The following CHRNB1 variants were observed in gnomAD, a reference collection of about 807,000 sequenced individuals.
CHRNB1 encodes acetylcholine receptor subunit beta.
CHRNB1 carries 47 observed loss-of-function variants against 53.8 expected under a neutral mutation model. The observed-to-expected ratio is 0.87, with a 90% confidence interval of 0.69 to 1.11. CHRNB1 has a LOEUF of 1.11. CHRNB1 is among the 50% of genes most tolerant of loss of function. The probability of loss-of-function intolerance (pLI) is 0.00; values close to 1 mark genes in which losing one functional copy is unlikely to be tolerated. For missense variants in CHRNB1, 605 were observed against 654.9 expected, an observed-to-expected ratio of 0.92 and a Z score of 0.83; for synonymous variants, 259 against 263.5, an observed-to-expected ratio of 0.98 and a Z score of 0.16.
chr17:7,455,588 C>T, intron 9 of CHRNB1, 132 bp downstream of exon 9: 1 of 1,279,790 alleles, frequency 7.8e-7, no homozygotes, highest in Non-Finnish European at 1.1e-6. Flanking sequence ...AGTACTCCTG[C>T]TGCTCACTTT....
chr17:7,456,531 T>C (rs1042630621), intron 10 of CHRNB1, 52 bp from the exon 11 acceptor site: 2 of 1,612,188 alleles, frequency 1.2e-6, no homozygotes, highest in Non-Finnish European at 1.7e-6. Context: ...TGGGGGGGTT[T>C]CCCTGGGGGT....
At chr17:7,452,670 G>A (rs551972574) in intron 7 of CHRNB1, among the ~76,000 whole-genome samples, 1 of 152,300 alleles carries the variant, frequency 6.6e-6, no homozygotes, top group East Asian at 1.9e-4. Flanking sequence ...TGACACAGAA[G>A]TTACTGCCCT....
Position 7,457,620 on chromosome 17 carries a change from G to T in CHRNB1, c.*897G>T, listed in dbSNP as rs2069964550. Reference sequence around the variant, plus strand: ...GTAGTGCTTATTGTTTGCATGTTGGGTCTTGTGGTCGTTTTCTTTTTACCT... The same window carrying T: ...GTAGTGCTTATTGTTTGCATGTTGGTTCTTGTGGTCGTTTTCTTTTTACCT... On this transcript the variant is annotated 3_prime_UTR_variant, in exon 11 of 11. Coordinates refer to ENST00000306071, the MANE Select transcript of CHRNB1 (RefSeq NM_000747.3). 6.6e-6 allele frequency: 1 copy of T among 152,124 alleles called. No homozygotes were observed. The highest frequency in any genetic ancestry group is 2.4e-5 in the African/African-American group (1 of 41,420). 9.4% of individuals were successfully genotyped at this position (152,124 alleles called of 1,614,324 possible). A position where few individuals can be genotyped will look rare whatever the true frequency, so the allele number is the denominator to read the frequency against.
At chr17:7,454,228 C>A in intron 7 of CHRNB1, 69 bp from the exon 8 acceptor site, 1 of 1,272,086 alleles carries the variant, frequency 7.9e-7, no homozygotes, top group Non-Finnish European at 1.1e-6. Flanking sequence ...GAAACATGGT[C>A]ACTGATTATG....
rs765971005 is a variant in CHRNB1, at chr17:7,455,959, G to A, written c.1365+18G>A. On this transcript the variant is annotated intron_variant, in intron 10 of 10. Coordinates refer to ENST00000306071, the MANE Select transcript of CHRNB1 (RefSeq NM_000747.3). ...ACGATGCGGTATGTCCAACGGGGGTGGAACAAGGCCAGGTCTAGGCGACCT... is the reference window on the plus strand; with the variant it reads ...ACGATGCGGTATGTCCAACGGGGGTAGAACAAGGCCAGGTCTAGGCGACCT... 14 of 1,613,682 alleles carry A rather than the reference G, an allele frequency of 8.7e-6. No individual in the cohort carries two copies. In the East Asian group the frequency reaches 3.1e-4, roughly 36 times the overall value.
intron 4 of CHRNB1, 37 bp downstream of exon 4, chr17:7,446,979 G>GCC: frequency 6.4e-7 from 1 of 1,569,848 alleles, no homozygotes; most frequent in Non-Finnish European, 8.8e-7. Context: ...GTGGCGCGGG[G>GCC]CCTCGGGGGG....
rs1015543701 is a variant in CHRNB1 at position 7,445,674 on chromosome 17, G to T, written c.198+265G>T. 1 of 1,318,080 alleles carries T rather than the reference G, an allele frequency of 7.6e-7. No homozygotes were observed. The highest frequency in any genetic ancestry group is 1.0e-6 in the Non-Finnish European group (1 of 994,680). 81.6% of individuals were successfully genotyped at this position (1,318,080 alleles called of 1,614,324 possible). A position where few individuals can be genotyped will look rare whatever the true frequency, so the allele number is the denominator to read the frequency against. On this transcript the variant is annotated intron_variant, in intron 2 of 10. Transcript: ENST00000306071. The surrounding 1 kb of genome is among the most constrained non-coding windows in gnomAD (Gnocchi z 5.7). ...AAGTGGGGCTGGGGACGAGGCAGGG[G>T]CTGGGGGACGGACCTCGACGTAGGG...
intron 7 of CHRNB1, among the ~76,000 whole-genome samples, chr17:7,449,922 T>C (rs1204735771): frequency 2.0e-5 from 3 of 151,394 alleles, no homozygotes; most frequent in African/African-American, 7.3e-5. Flanking sequence ...CGGGCGCCTG[T>C]AGTCCCAGCT....
At chr17:7,452,841 G>A (rs1356017042) in intron 7 of CHRNB1, among the ~76,000 whole-genome samples, 1 of 152,162 alleles carries the variant, frequency 6.6e-6, no homozygotes, top group African/African-American at 2.4e-5. Context: ...TGGCCAACAT[G>A]GTGAAACCCT....
rs1312631215 is a variant in CHRNB1 at position 7,445,220 on chromosome 17, C to T, written c.58+35C>T. 1 of 1,611,474 alleles carries T rather than the reference C, an allele frequency of 6.2e-7. No homozygotes were observed. The highest frequency in any genetic ancestry group is 1.7e-5 in the Admixed American group (1 of 59,842). On this transcript the variant is annotated intron_variant, in intron 1 of 10. Transcript: ENST00000306071. The surrounding 1 kb of genome is among the most constrained non-coding windows in gnomAD (Gnocchi z 5.7). Reference sequence around the variant, plus strand: ...GGCCCCGAAGGGGCAGTGACGGGGCCAGCGGTCGTGGCCAGGCACCAGGGC... The same window carrying T: ...GGCCCCGAAGGGGCAGTGACGGGGCTAGCGGTCGTGGCCAGGCACCAGGGC...
In CHRNB1 at chr17:7,455,310, C is replaced by T; in HGVS notation, c.1071C>T (p.Tyr357=). Residue 357 remains tyrosine (Y), a synonymous_variant, in exon 9 of 11, where the codon TAC becomes TAT. Coordinates refer to ENST00000306071, the MANE Select transcript of CHRNB1 (RefSeq NM_000747.3). ...TCTTCATTCACAAACTTCCGCTGTA[C>T]CTGCGTCTAAAAAGGCCCAAACCCG... is the stretch of plus-strand genomic sequence containing the variant. ...RQIFIHKLPL[Y]LRLKRPKPER... 6.2e-7 allele frequency: 1 copy of T among 1,614,132 alleles called. No homozygotes were observed. The highest frequency in any genetic ancestry group is 8.5e-7 in the Non-Finnish European group (1 of 1,180,022).
rs146117123 is a variant in CHRNB1 at position 7,447,095 on chromosome 17, G to T, written c.406G>T (p.Asp136Tyr). The change falls in exon 5 of 11, where the codon GAC becomes TAC. Residue 136 changes from aspartate (D) to tyrosine (Y), a missense_variant. Asp to Tyr is a radical substitution (Grantham distance 160). Transcript: ENST00000306071. ...ALDISVVVSS[D>Y]GSVRWQPPGI... is the part of the protein sequence containing the mutation. ...GGACATTAGCGTCGTGGTGTCCTCC[G>T]ACGGCTCCGTGCGTTGGCAACCCCC... 11 of 1,614,000 alleles carry T rather than the reference G, an allele frequency of 6.8e-6. No homozygotes were observed. The African/African-American group carries it at 1.2e-4, about 18-fold the overall frequency.
Position 7,457,144 on chromosome 17 carries a change from CCT to C in CHRNB1, c.*422_*423del, listed in dbSNP as rs2069960700. ...ACCAGCCCGACCAACATGGAGAAAC[CCT>C]GTCTCTACTAAAAATACAAAATTAG... is the stretch of plus-strand genomic sequence containing the variant. On this transcript the variant is annotated 3_prime_UTR_variant, in exon 11 of 11. Coordinates refer to ENST00000306071, the MANE Select transcript of CHRNB1 (RefSeq NM_000747.3). The C allele has an allele frequency of 4.6e-6, 1 of 216,654 alleles. No homozygotes were observed. The highest frequency in any genetic ancestry group is 9.6e-6 in the Non-Finnish European group (1 of 104,624). The allele number at this position is 216,654 out of a possible 1,614,324, so 13.4% of individuals were successfully genotyped here. A position where few individuals can be genotyped will look rare whatever the true frequency, so the allele number is the denominator to read the frequency against.
rs2150838161 is a variant in CHRNB1 at position 7,446,848 on chromosome 17, A to G, written c.259A>G (p.Arg87Gly). The G allele has an allele frequency of 1.2e-6, 2 of 1,613,890 alleles. No homozygotes were observed. Among genetic ancestry groups the G allele is most frequent in the Non-Finnish European group, 1.7e-6 (2 of 1,179,946 alleles). The change falls in exon 4 of 11, where the codon AGG becomes GGG. Residue 87 changes from arginine to glycine, a missense_variant. Arg to Gly is a moderately radical substitution (Grantham distance 125). Transcript: ENST00000306071. ...GCTTCACTAGGAGTGGACTGACTAC[A>G]GGCTGAGCTGGGACCCTGCGGAGCA... ...VYLDLEWTDY[R>G]LSWDPAEHDG...
intron 8 of CHRNB1, among the ~76,000 whole-genome samples, 178 bp from the exon 9 acceptor site, chr17:7,455,106 C>G (rs1016903090): frequency 1.3e-5 from 2 of 151,936 alleles, no homozygotes; most frequent in African/African-American, 4.8e-5. Flanking sequence ...ACAGGCCCAA[C>G]CCACTAAAGA....
In CHRNB1 at chr17:7,445,852, G is replaced by C; in HGVS notation, c.199-217G>C. ...GGAGGGCTAGGCAGGGGCGGGTCTG[G>C]TAGGTTGATAGGCTGGGAGTGTAGA... On this transcript the variant is annotated intron_variant, in intron 2 of 10. Coordinates refer to ENST00000306071, the MANE Select transcript of CHRNB1 (RefSeq NM_000747.3). The surrounding 1 kb of genome is among the most constrained non-coding windows in gnomAD (Gnocchi z 5.7). The C allele has an allele frequency of 1.6e-6, 1 of 632,026 alleles. No individual in the cohort carries two copies. The highest frequency in any genetic ancestry group is 1.9e-5 in the South Asian group (1 of 53,870). 39.2% of individuals were successfully genotyped at this position (632,026 alleles called of 1,614,324 possible).
Position 7,456,767 on chromosome 17 carries a change from G to A in CHRNB1, c.*44G>A. On this transcript the variant is annotated 3_prime_UTR_variant, in exon 11 of 11. Transcript: ENST00000306071. ...CCAGGCCCCCTGCCAGTTGAAGTGA[G>A]AGTTTGGTGATACTGTCAAGCCCTA... The A allele has an allele frequency of 6.2e-7, 1 of 1,612,736 alleles. No homozygotes were observed. Among genetic ancestry groups the A allele is most frequent in the Non-Finnish European group, 8.5e-7 (1 of 1,178,868 alleles).
intron 9 of CHRNB1, 50 bp from the exon 10 acceptor site, chr17:7,455,744 C>T (rs937350455): frequency 4.3e-6 from 7 of 1,613,424 alleles, no homozygotes; most frequent in Non-Finnish European, 5.9e-6. Context: ...CCTGGGTCGC[C>T]GGCACTGGCT....
chr17:7,446,337 G>GTGTC (rs67750405), intron 3 of CHRNB1: 7 of 330,952 alleles, frequency 2.1e-5, no homozygotes, highest in South Asian at 1.4e-4. Flanking sequence ...CTGTGTGTGT[G>GTGTC]TGTGTGTGTG....
Sources: gnomAD v4.1 joint callset for allele counts (sites outside exome capture counted in the v4.1 genomes callset) on GRCh38, gnomAD v4.1.1 for gene constraint, Gnocchi (gnomAD v3.1) non-coding constraint, MANE v1.5 for transcripts, NCBI Gene and HGNC (gene_info 2026-07-23, HGNC 2026-07-21) for gene names.